Variants in CHUK observed in about 807,000 individuals in gnomAD.
CHUK encodes the protein component of inhibitor of nuclear factor kappa B kinase complex.
CHUK carries 35 observed loss-of-function variants against 104.8 expected under a neutral mutation model. That is an observed-to-expected ratio of 0.33 (90% CI 0.26 to 0.44). The LOEUF is 0.44. Ranked by LOEUF, CHUK falls within the 20% of genes least tolerant of loss-of-function variation. CHUK has a pLI of 1.00. For missense variants in CHUK, 663 were observed against 902.7 expected (o/e 0.73, Z 3.40); for synonymous variants, 276 against 291.9 (o/e 0.95, Z 0.56).
chr10:100,220,753 C>A (rs1436501926), intron 4 of CHUK, 77 bp from the exon 5 acceptor site: 1 of 864,332 alleles, frequency 1.2e-6, no homozygotes, highest in Non-Finnish European at 1.9e-6. Flanking sequence ...ACATTTTGTA[C>A]AAATCTACTC....
chr10:100,187,685 AG>A (rs1384940751), downstream of CHUK: 2 of 152,274 alleles, frequency 1.3e-5, no homozygotes, highest in Admixed American at 1.3e-4. Flanking sequence ...CCACTATAAT[AG>A]TCTGTTCTGA....
At chr10:100,204,842 GATA>G (rs1845553947) in intron 12 of CHUK, among the ~76,000 whole-genome samples, 185 bp from the exon 13 acceptor site, 1 of 152,134 alleles carries the variant, frequency 6.6e-6, no homozygotes, top group South Asian at 2.1e-4. Flanking sequence ...AATATTTTGT[GATA>G]AACAATCTTT....
chr10:100,204,989 A>C, intron 12 of CHUK, 87 bp downstream of exon 12: 10 of 1,450,024 alleles, frequency 6.9e-6, no homozygotes, highest in Non-Finnish European at 9.7e-6. Flanking sequence ...TATTACATGC[A>C]ATATTGATTA....
At chr10:100,193,675 A>T (rs1188046914) in intron 18 of CHUK, 1 of 604,450 alleles carries the variant, frequency 1.7e-6, no homozygotes, top group Non-Finnish European at 2.9e-6. Flanking sequence ...AGAAAGAAAA[A>T]AAAAACCCAG....
chr10:100,215,214 CAAAAAAAA>C (rs913817319), intron 9 of CHUK, among the ~76,000 whole-genome samples: 19 of 51,586 alleles, frequency 3.7e-4, no homozygotes, highest in African/African-American at 9.5e-4. Flanking sequence ...GGCTCCATAT[CAAAAAAAA>C]AAAAAAAAAA....
At chr10:100,191,947 C>T (rs148840700) in intron 19 of CHUK, among the ~76,000 whole-genome samples, 2,900 of 152,218 alleles carry the variant, frequency 0.019, 40 homozygotes, top group Middle Eastern at 0.041. Context: ...GGTGAAACTC[C>T]GTCTTTACTA....
chr10:100,227,303 C>T (rs7096771), intron 1 of CHUK, among the ~76,000 whole-genome samples: 7,412 of 152,260 alleles, frequency 0.049, 593 homozygotes, highest in African/African-American at 0.17. Context: ...AGGGTTATGG[C>T]TGTACAACAA....
Position 100,205,103 on chromosome 10 carries a change from C to G in CHUK, c.1328G>C (p.Arg443Thr). The change falls in exon 12 of 21, where the codon AGG becomes ACG. Residue 443 changes from arginine (R) to threonine (T), a missense_variant. Transcript: ENST00000370397. Reference sequence around the variant, plus strand: ...TGCTGCCCTTTGTCCCTGAAAGAGCCTGCTATAGTCTTCTTTTAGTCCAGA... The same window carrying G: ...TGCTGCCCTTTGTCCCTGAAAGAGCGTGCTATAGTCTTCTTTTAGTCCAGA... Reference protein sequence around the residue: ...YVSGLKEDYSRLFQGQRAAML... With the variant: ...YVSGLKEDYSTLFQGQRAAML... 3 of 1,614,098 alleles carry G rather than the reference C, an allele frequency of 1.9e-6. No homozygotes were observed. The highest frequency in any genetic ancestry group is 2.5e-6 in the Non-Finnish European group (3 of 1,179,980).
chr10:100,219,399 G>C (rs775456953), intron 5 of CHUK, 40 bp from the exon 6 acceptor site: 5 of 1,146,116 alleles, frequency 4.4e-6, no homozygotes, highest in Middle Eastern at 5.1e-4. Context: ...AAATGGTAGA[G>C]AAATTTAAAA....
At chr10:100,218,944 A>C (rs1341704896) in intron 7 of CHUK, 64 bp downstream of exon 7, 24 of 1,594,112 alleles carry the variant, frequency 1.5e-5, no homozygotes, top group Non-Finnish European at 1.2e-5. Flanking sequence ...AGAAAGAAAA[A>C]AAAAGACAAA....
At chr10:100,209,253 C>A (rs1015294721) in intron 10 of CHUK, among the ~76,000 whole-genome samples, 1 of 152,196 alleles carries the variant, frequency 6.6e-6, no homozygotes, top group African/African-American at 2.4e-5. Flanking sequence ...AATTTCCAGG[C>A]CTTCTACCTG....
At chr10:100,214,079 T>A (rs1845798107) in intron 9 of CHUK, among the ~76,000 whole-genome samples, 1 of 152,198 alleles carries the variant, frequency 6.6e-6, no homozygotes, top group South Asian at 2.1e-4. Context: ...AGCTGCCACT[T>A]ATAGCAATAG....
chr10:100,212,531 T>G (rs7068456), intron 9 of CHUK, among the ~76,000 whole-genome samples: 1 of 152,200 alleles, frequency 6.6e-6, no homozygotes, highest in Non-Finnish European at 1.5e-5. Context: ...CTTATAAATT[T>G]AGGATATTAA....
At chr10:100,208,786 A>AAAAAAAAAC (rs1049909515) in intron 10 of CHUK, among the ~76,000 whole-genome samples, 3 of 151,806 alleles carry the variant, frequency 2.0e-5, no homozygotes, top group African/African-American at 7.3e-5. Context: ...ACTGTCTAAA[A>AAAAAAAAAC]AAAAAAAAAA....
At chr10:100,188,150 T>A (rs1403338449), downstream of CHUK, 1 of 152,186 alleles carries the variant, frequency 6.6e-6, no homozygotes, top group Non-Finnish European at 1.5e-5. Flanking sequence ...ATCGAGCATG[T>A]TTTTTAGATG....
intron 19 of CHUK, chr10:100,193,068 A>G: frequency 1.8e-6 from 1 of 559,892 alleles, no homozygotes; most frequent in East Asian, 3.2e-5. Flanking sequence ...AGCACTTTAT[A>G]TACATTGTCT....
chr10:100,221,202 C>T (rs539900138), intron 4 of CHUK, among the ~76,000 whole-genome samples: 82 of 152,132 alleles, frequency 5.4e-4, no homozygotes, highest in Non-Finnish European at 1.0e-3. Context: ...TTTGGGAGGC[C>T]GAGGCGGGCA....
Position 100,200,659 on chromosome 10 carries a change from G to A in CHUK, c.1679+12C>T, listed in dbSNP as rs377222658. On this transcript the variant is annotated intron_variant, in intron 15 of 20. Transcript: ENST00000370397. ...ACAGATGTCAAGACCAACAACACAAGTGCATCCTTACAGAGATTCCATCAA... is the reference window on the plus strand; with the variant it reads ...ACAGATGTCAAGACCAACAACACAAATGCATCCTTACAGAGATTCCATCAA... The A allele has an allele frequency of 4.4e-5, 53 of 1,214,054 alleles. No individual in the cohort carries two copies. The Middle Eastern group carries it at 1.1e-3, about 26-fold the overall frequency. 75.2% of individuals were successfully genotyped at this position (1,214,054 alleles called of 1,614,324 possible).
At chr10:100,190,613 T>C (rs754582330) in intron 20 of CHUK, 11 of 495,366 alleles carry the variant, frequency 2.2e-5, no homozygotes, top group African/African-American at 3.9e-5. Flanking sequence ...AATGGTCACA[T>C]TGTGAAGAAG....
Sources: allele counts gnomAD v4.1 joint callset (sites outside exome capture counted in the v4.1 genomes callset), GRCh38; gene constraint gnomAD v4.1.1; transcripts MANE v1.5; gene names NCBI Gene and HGNC (gene_info 2026-07-23, HGNC 2026-07-21).